Variants in RAD18 observed in about 807,000 individuals in gnomAD.
RAD18 encodes RAD18 E3 ubiquitin protein ligase.
A neutral mutation model predicts 60.4 loss-of-function variants in RAD18; 47 were observed. The observed-to-expected ratio is 0.78, with a 90% CI of 0.62 to 0.99. The LOEUF is 0.99. RAD18 is among the 50% of genes least tolerant of loss of function. The pLI is 0.00. For missense variants in RAD18, 640 were observed against 593.3 expected (o/e 1.08, Z -0.82); for synonymous variants, 225 against 195.5 (o/e 1.15, Z -1.26).
intron 10 of RAD18, among the ~76,000 whole-genome samples, chr3:8,899,483 T>C (rs891518988): frequency 6.6e-6 from 1 of 152,208 alleles, no homozygotes; most frequent in Non-Finnish European, 1.5e-5. Flanking sequence ...TATCTGGACA[T>C]TTTTCTAAAC....
chr3:8,955,954 T>A (rs1350117029), intron 2 of RAD18, among the ~76,000 whole-genome samples: 1 of 152,218 alleles, frequency 6.6e-6, no homozygotes, highest in Non-Finnish European at 1.5e-5. Context: ...TTTTTTCCTA[T>A]ACATACTTAC....
chr3:8,906,587 C>T (rs964481987), intron 9 of RAD18, among the ~76,000 whole-genome samples: 6 of 152,110 alleles, frequency 3.9e-5, no homozygotes, highest in Non-Finnish European at 5.9e-5. Context: ...TTCACAGCAA[C>T]GTTTGGCCTA....
At chr3:8,903,015 G>A (rs568530584) in intron 9 of RAD18, among the ~76,000 whole-genome samples, 2 of 150,790 alleles carry the variant, frequency 1.3e-5, no homozygotes, top group African/African-American at 4.9e-5. Flanking sequence ...AACAGGGCAA[G>A]ACTCTGTCTC....
At chr3:8,928,222 A>T (rs1241144535) in intron 7 of RAD18, among the ~76,000 whole-genome samples, 1 of 152,062 alleles carries the variant, frequency 6.6e-6, no homozygotes, top group Non-Finnish European at 1.5e-5. Flanking sequence ...AAGATAACAT[A>T]AAAAACTAAA....
intron 5 of RAD18, among the ~76,000 whole-genome samples, chr3:8,940,560 A>G (rs916298544): frequency 1.3e-5 from 2 of 152,230 alleles, no homozygotes; most frequent in African/African-American, 4.8e-5. Flanking sequence ...GTATGGGTAT[A>G]CCAAAGATGT....
chr3:8,918,066 C>T (rs1026506381), intron 7 of RAD18, among the ~76,000 whole-genome samples: 1 of 152,040 alleles, frequency 6.6e-6, no homozygotes, highest in Non-Finnish European at 1.5e-5. Context: ...GCCTGTAATC[C>T]CAGCACTTTG....
At chr3:8,887,433 C>T (rs1939587689) in intron 12 of RAD18, among the ~76,000 whole-genome samples, 1 of 152,180 alleles carries the variant, frequency 6.6e-6, no homozygotes, top group Admixed American at 6.5e-5. Context: ...CTCACTGAAG[C>T]ATATATATTT....
intron 7 of RAD18, among the ~76,000 whole-genome samples, chr3:8,915,677 G>A (rs569674508): frequency 2.0e-4 from 30 of 151,076 alleles, no homozygotes; most frequent in Non-Finnish European, 2.8e-4. Context: ...TCTGCCTTCC[G>A]GGTTCACGCC....
chr3:8,886,858 T>C (rs890294917), intron 12 of RAD18, among the ~76,000 whole-genome samples: 15 of 151,974 alleles, frequency 9.9e-5, no homozygotes, highest in African/African-American at 3.6e-4. Context: ...GCCACAGTTG[T>C]GGGGTAGGGA....
In RAD18 at chr3:8,883,310, T is replaced by C. The variant is rs548536260; in HGVS notation, c.1386-1851A>G. Among the ~76,000 whole-genome samples the C allele has an allele frequency of 5.3e-5, 8 of 152,276 alleles. No individual in the cohort carries two copies. In the East Asian group the frequency reaches 1.5e-3, roughly 29 times the overall value. ...GTCAAAGAACCCCAGTCATGAGAAATACCAAAAATAAACAACCAACAAACA... is the reference window on the plus strand; with the variant it reads ...GTCAAAGAACCCCAGTCATGAGAAACACCAAAAATAAACAACCAACAAACA... On this transcript the variant is annotated intron_variant, in intron 12 of 12. Transcript: ENST00000264926.
At chr3:8,909,665 CA>C (rs1199989392) in intron 9 of RAD18, among the ~76,000 whole-genome samples, 5 of 152,018 alleles carry the variant, frequency 3.3e-5, no homozygotes, top group African/African-American at 1.2e-4. Flanking sequence ...TACAAACAGC[CA>C]AATTATCAAT....
intron 10 of RAD18, among the ~76,000 whole-genome samples, chr3:8,899,481 C>A (rs1939861069): frequency 6.6e-6 from 1 of 152,160 alleles, no homozygotes; most frequent in Non-Finnish European, 1.5e-5. Flanking sequence ...TCTATCTGGA[C>A]ATTTTTCTAA....
chr3:8,881,335 G>T lies in RAD18; in HGVS notation c.*22C>A, dbSNP rs747775964. On this transcript the variant is annotated 3_prime_UTR_variant, in exon 13 of 13. Coordinates refer to ENST00000264926, the MANE Select transcript of RAD18 (RefSeq NM_020165.4). ...GTACGGTATTCTAATCAATGCATTT[G>T]AAAAGTCAGCAAAAGCCCACATTAA... is the stretch of plus-strand genomic sequence containing the variant. 3.9e-6 allele frequency: 6 copies of T among 1,548,364 alleles called. No individual in the cohort carries two copies. The highest frequency in any genetic ancestry group is 1.4e-5 in the African/African-American group (1 of 73,128).
chr3:8,898,505 A>C (rs1382927800), intron 11 of RAD18, among the ~76,000 whole-genome samples: 7 of 151,750 alleles, frequency 4.6e-5, no homozygotes, highest in Non-Finnish European at 8.8e-5. Context: ...TATTCTATTT[A>C]CTCAGTTAAA....
chr3:8,908,295 TGAGA>T (rs144641778), intron 9 of RAD18, among the ~76,000 whole-genome samples: 8,327 of 147,070 alleles, frequency 0.057, 742 homozygotes, highest in African/African-American at 0.19. Context: ...CTTTTCTAAG[TGAGA>T]GAGTTTTTTT....
At chr3:8,902,840 A>G (rs1032200533) in intron 9 of RAD18, among the ~76,000 whole-genome samples, 7 of 152,112 alleles carry the variant, frequency 4.6e-5, no homozygotes, top group African/African-American at 1.7e-4. Flanking sequence ...CCTGGCCAAC[A>G]TGGTGAAACC....
At chr3:8,912,423 A>G in intron 8 of RAD18, 51 bp from the exon 9 acceptor site, 1 of 1,274,528 alleles carries the variant, frequency 7.8e-7, no homozygotes, top group Non-Finnish European at 1.1e-6. Context: ...AAATGACAAA[A>G]AGGGAAATAT....
At chr3:8,902,598 G>C in intron 9 of RAD18, 78 bp from the exon 10 acceptor site, 1 of 1,419,360 alleles carries the variant, frequency 7.0e-7, no homozygotes, top group Non-Finnish European at 9.5e-7. Flanking sequence ...TGAATATCAA[G>C]AGGTGTACAA....
At chr3:8,961,721 A>G (rs1941097299) in intron 1 of RAD18, among the ~76,000 whole-genome samples, 1 of 152,222 alleles carries the variant, frequency 6.6e-6, no homozygotes, top group Non-Finnish European at 1.5e-5. Flanking sequence ...TGTGAGCAAA[A>G]AAATACGGGC....
Sources: gnomAD v4.1 joint callset for allele counts (sites outside exome capture counted in the v4.1 genomes callset) on GRCh38, gnomAD v4.1.1 for gene constraint, MANE v1.5 for transcripts, NCBI Gene and HGNC (gene_info 2026-07-23, HGNC 2026-07-21) for gene names.